The following IFTAP variants were observed in gnomAD, a reference collection of about 807,000 sequenced individuals.
IFTAP encodes the protein intraflagellar transport-associated protein.
A neutral mutation model predicts 19.4 loss-of-function variants in IFTAP; 19 were observed. The observed-to-expected ratio is 0.98, with a 90% CI of 0.68 to 1.44. The LOEUF is 1.44. Ranked by LOEUF, IFTAP falls within the 40% of genes most tolerant of loss-of-function variation. The pLI is 0.00. For missense variants in IFTAP, 240 were observed against 253.6 expected, an observed-to-expected ratio of 0.95 and a Z score of 0.36; for synonymous variants, 85 against 83.5, an observed-to-expected ratio of 1.02 and a Z score of -0.10.
At chr11:36,598,894 G>A (rs1048641879) in intron 1 of IFTAP, among the ~76,000 whole-genome samples, 3 of 152,226 alleles carry the variant, frequency 2.0e-5, no homozygotes, top group South Asian at 2.1e-4. Context: ...AAAAGTTGTC[G>A]GGAAAAGATT....
intron 4 of IFTAP, among the ~76,000 whole-genome samples, chr11:36,643,684 A>G (rs1355724796): frequency 1.3e-5 from 2 of 152,214 alleles, no homozygotes; most frequent in Non-Finnish European, 2.9e-5. Flanking sequence ...AGCCCTCAGA[A>G]ATAATACCAT....
At chr11:36,600,277 G>A (rs574761515) in intron 1 of IFTAP, among the ~76,000 whole-genome samples, 2 of 152,360 alleles carry the variant, frequency 1.3e-5, no homozygotes, top group Admixed American at 6.5e-5. Context: ...CCTTAAAGCA[G>A]GGGTTGCCAA....
chr11:36,648,294 A>G, intron 5 of IFTAP, 139 bp downstream of exon 5: 1 of 986,368 alleles, frequency 1.0e-6, no homozygotes, highest in East Asian at 2.6e-5. Context: ...GGTCCCTCTC[A>G]CAGCCATCTA....
chr11:36,628,108 G>C (rs1340482930), intron 2 of IFTAP, among the ~76,000 whole-genome samples: 1 of 149,754 alleles, frequency 6.7e-6, no homozygotes, highest in African/African-American at 2.5e-5. Context: ...CTTGTCTCTA[G>C]TACCTGAACC....
chr11:36,643,939 C>G (rs1467348020), intron 4 of IFTAP, among the ~76,000 whole-genome samples: 1 of 152,140 alleles, frequency 6.6e-6, no homozygotes, highest in African/African-American at 2.4e-5. Flanking sequence ...CAGGCATGGG[C>G]AAGGACTTCA....
intron 2 of IFTAP, among the ~76,000 whole-genome samples, chr11:36,614,925 T>A (rs973929848): frequency 4.8e-5 from 7 of 145,566 alleles, no homozygotes; most frequent in African/African-American, 1.6e-4. Context: ...TTAGTTTAAT[T>A]AGATCCCATT....
At chr11:36,648,745 G>C (rs1252932347) in intron 5 of IFTAP, among the ~76,000 whole-genome samples, 1 of 152,100 alleles carries the variant, frequency 6.6e-6, no homozygotes, top group Non-Finnish European at 1.5e-5. Flanking sequence ...CGTACCTGGA[G>C]GGGAGGAGAG....
chr11:36,656,665 T>C (rs1024357224), intron 5 of IFTAP, among the ~76,000 whole-genome samples: 1 of 152,120 alleles, frequency 6.6e-6, no homozygotes, highest in African/African-American at 2.4e-5. Flanking sequence ...GCAAAGCACG[T>C]GATACTGAAA....
chr11:36,642,583 A>G (rs1190140099), intron 4 of IFTAP, among the ~76,000 whole-genome samples: 1 of 152,182 alleles, frequency 6.6e-6, no homozygotes, highest in African/African-American at 2.4e-5. Context: ...AATATCCCTC[A>G]TGAACATCGA....
intron 4 of IFTAP, among the ~76,000 whole-genome samples, chr11:36,646,710 T>C (rs530443094): frequency 6.6e-6 from 1 of 152,320 alleles, no homozygotes; most frequent in South Asian, 2.1e-4. Context: ...TCTGCCGTTT[T>C]TAGCTGTGGG....
At chr11:36,617,053 T>G (rs1010265249) in intron 2 of IFTAP, among the ~76,000 whole-genome samples, 4 of 151,578 alleles carry the variant, frequency 2.6e-5, no homozygotes, top group African/African-American at 9.7e-5. Flanking sequence ...ATACACTGGA[T>G]TTTGGAGACT....
At chr11:36,636,620 A>G (rs1389169156) in intron 4 of IFTAP, among the ~76,000 whole-genome samples, 5 of 152,210 alleles carry the variant, frequency 3.3e-5, no homozygotes, top group African/African-American at 9.7e-5. Flanking sequence ...GTAGAATAAG[A>G]TGCAAAGCCT....
At chr11:36,633,075 A>G (rs1381618281) in intron 2 of IFTAP, among the ~76,000 whole-genome samples, 1 of 151,256 alleles carries the variant, frequency 6.6e-6, no homozygotes, top group Non-Finnish European at 1.5e-5. Context: ...CACTCAATAA[A>G]TATATGTTGA....
At chr11:36,599,555 A>C (rs1851423838) in intron 1 of IFTAP, among the ~76,000 whole-genome samples, 1 of 152,216 alleles carries the variant, frequency 6.6e-6, no homozygotes, top group Non-Finnish European at 1.5e-5. Flanking sequence ...AATCTTACCT[A>C]ATGATGAAGA....
chr11:36,635,919 G>A (rs1212678560), intron 3 of IFTAP, 132 bp from the exon 4 acceptor site: 1 of 677,912 alleles, frequency 1.5e-6, no homozygotes, highest in South Asian at 1.6e-5. Context: ...CTTGAGCTGG[G>A]ACTCAAGAGT....
chr11:36,643,791 C>A (rs1420099306), intron 4 of IFTAP, among the ~76,000 whole-genome samples: 1 of 152,124 alleles, frequency 6.6e-6, no homozygotes, highest in Non-Finnish European at 1.5e-5. Context: ...AACTGGCTAG[C>A]CATATGTGGA....
At chr11:36,654,815 A>G (rs1214821489) in intron 5 of IFTAP, among the ~76,000 whole-genome samples, 1 of 152,002 alleles carries the variant, frequency 6.6e-6, no homozygotes, top group Non-Finnish European at 1.5e-5. Context: ...GGATTTTTCA[A>G]ATCTCTGCTA....
intron 1 of IFTAP, among the ~76,000 whole-genome samples, chr11:36,604,920 CAAAA>C (rs1851638825): frequency 6.6e-6 from 1 of 151,288 alleles, no homozygotes; most frequent in Non-Finnish European, 1.5e-5. Flanking sequence ...ATCTGAAAGA[CAAAA>C]AAATTAGAGG....
At chr11:36,621,238 G>A (rs910954943) in intron 2 of IFTAP, among the ~76,000 whole-genome samples, 1 of 151,928 alleles carries the variant, frequency 6.6e-6, no homozygotes, top group Non-Finnish European at 1.5e-5. Flanking sequence ...GCATGTTTCA[G>A]ATCTGAATGG....
Sources: allele counts gnomAD v4.1 joint callset (sites outside exome capture counted in the v4.1 genomes callset), GRCh38; gene constraint gnomAD v4.1.1; transcripts MANE v1.5; gene names NCBI Gene and HGNC (gene_info 2026-07-23, HGNC 2026-07-21).